KCNH5: variants seen among roughly 807,000 people sequenced by gnomAD.
KCNH5 encodes voltage-gated delayed rectifier potassium channel KCNH5.
In KCNH5, 46 loss-of-function variants were observed where a neutral mutation model predicts 96.1. The ratio of observed to expected loss-of-function variants is 0.48; its 90% CI spans 0.38 to 0.61. The LOEUF (loss-of-function observed/expected upper bound fraction) is 0.61, where lower values mean the gene tolerates loss of function less well. KCNH5 is among the 20% of genes least tolerant of loss of function. The pLI is 0.00. For missense variants in KCNH5, 907 were observed against 1,225.8 expected (o/e 0.74, Z 3.88); for synonymous variants, 439 against 449.8 (o/e 0.98, Z 0.30).
intron 10 of KCNH5, among the ~76,000 whole-genome samples, chr14:62,775,087 A>G (rs923396981): frequency 2.0e-5 from 3 of 152,234 alleles, no homozygotes; most frequent in Non-Finnish European, 4.4e-5. Flanking sequence ...CATAAATGGC[A>G]TTTCAAGATA....
chr14:63,001,128 A>T (rs1176254702), intron 4 of KCNH5, among the ~76,000 whole-genome samples: 1 of 152,210 alleles, frequency 6.6e-6, no homozygotes, highest in Non-Finnish European at 1.5e-5. Flanking sequence ...CTATAAGTTA[A>T]CCAATCTATA....
At chr14:62,760,495 C>T (rs926291187) in intron 10 of KCNH5, among the ~76,000 whole-genome samples, 5 of 152,168 alleles carry the variant, frequency 3.3e-5, no homozygotes, top group Non-Finnish European at 4.4e-5. Context: ...TTGCAGCTTC[C>T]GTTCCAGATT....
chr14:62,937,584 G>T (rs979157094), intron 7 of KCNH5, among the ~76,000 whole-genome samples: 8 of 152,202 alleles, frequency 5.3e-5, no homozygotes, highest in Admixed American at 1.3e-4. Context: ...GCCATCTGCT[G>T]CAATGAAGAT....
rs375648408 is a variant in KCNH5 at position 63,034,160 on chromosome 14, C to T, written c.73+10954G>A. On this transcript the variant is annotated intron_variant, in intron 1 of 10. Coordinates refer to ENST00000322893, the MANE Select transcript of KCNH5 (RefSeq NM_139318.5). ...GTCTCGATCTCCTGACCTCGTGATC[C>T]GCCTGCCTCGGCCTTCCAAAGTGCT... Among the ~76,000 whole-genome samples, 36 of 152,216 alleles carry T rather than the reference C, an allele frequency of 2.4e-4. No homozygotes were observed. In the East Asian group the frequency reaches 4.1e-3, roughly 17 times the overall value.
At chr14:62,951,618 T>G (rs1299422282) in intron 6 of KCNH5, among the ~76,000 whole-genome samples, 4 of 152,214 alleles carry the variant, frequency 2.6e-5, no homozygotes, top group African/African-American at 4.8e-5. Flanking sequence ...AGAATAGATG[T>G]ATATTAATAA....
intron 10 of KCNH5, among the ~76,000 whole-genome samples, chr14:62,733,370 C>T (rs901326218): frequency 1.3e-5 from 2 of 151,946 alleles, no homozygotes; most frequent in Admixed American, 6.6e-5. Context: ...CTGCCCTCTA[C>T]CATATAAGGA....
At chr14:63,013,610 C>T (rs1490634876) in intron 2 of KCNH5, among the ~76,000 whole-genome samples, 1 of 151,740 alleles carries the variant, frequency 6.6e-6, no homozygotes, top group Non-Finnish European at 1.5e-5. Flanking sequence ...TTGTGTCTCA[C>T]ACTTAAAGGC....
At chr14:62,873,128 C>T (rs922319767) in intron 7 of KCNH5, among the ~76,000 whole-genome samples, 20 of 140,704 alleles carry the variant, frequency 1.4e-4, no homozygotes, top group South Asian at 1.4e-3. Context: ...CCAGCCTGGG[C>T]GACAGAACGA....
chr14:63,018,611 G>T (rs1891370691), intron 1 of KCNH5, among the ~76,000 whole-genome samples: 2 of 151,984 alleles, frequency 1.3e-5, no homozygotes, highest in South Asian at 4.1e-4. Context: ...ACAAGTCATA[G>T]GATGAACGGA....
chr14:62,937,317 T>C (rs902097682), intron 7 of KCNH5, among the ~76,000 whole-genome samples: 19 of 152,296 alleles, frequency 1.2e-4, no homozygotes, highest in African/African-American at 4.6e-4. Context: ...TCTTTCATTT[T>C]TGACCCTGTA....
chr14:62,866,370 C>A (rs1595661819), intron 7 of KCNH5, among the ~76,000 whole-genome samples: 1 of 152,214 alleles, frequency 6.6e-6, no homozygotes, highest in East Asian at 1.9e-4. Context: ...AGACACATTA[C>A]TGAATTTCTT....
intron 10 of KCNH5, among the ~76,000 whole-genome samples, chr14:62,754,750 C>CAAAGAGAGGGCAG (rs1885582779): frequency 6.6e-6 from 1 of 151,778 alleles, no homozygotes; most frequent in African/African-American, 2.4e-5. Context: ...GGGTGTGTGG[C>CAAAGAGAGGGCAG]TTTAGTACCA....
chr14:62,766,357 T>A (rs1885860824), intron 10 of KCNH5, among the ~76,000 whole-genome samples: 1 of 152,164 alleles, frequency 6.6e-6, no homozygotes, highest in African/African-American at 2.4e-5. Flanking sequence ...AATCAGTATA[T>A]CAAAGAGATG....
At chr14:62,791,343 T>C (rs1417029753) in intron 9 of KCNH5, among the ~76,000 whole-genome samples, 2 of 151,392 alleles carry the variant, frequency 1.3e-5, no homozygotes, top group African/African-American at 4.8e-5. Flanking sequence ...TAACTTACAG[T>C]AAGTAAGTCA....
At chr14:62,708,532 G>A in intron 10 of KCNH5, 77 bp from the exon 11 acceptor site, 1 of 863,084 alleles carries the variant, frequency 1.2e-6, no homozygotes, top group Middle Eastern at 3.6e-4. Flanking sequence ...TATGCTGTAT[G>A]TGCTTTGTGT....
At chr14:62,777,700 G>A (rs192376130) in intron 10 of KCNH5, among the ~76,000 whole-genome samples, 1 of 152,300 alleles carries the variant, frequency 6.6e-6, no homozygotes, top group African/African-American at 2.4e-5. Context: ...GTGTTACTCA[G>A]CAAATTGGCA....
chr14:62,968,675 G>A (rs369384084), intron 6 of KCNH5, among the ~76,000 whole-genome samples: 3 of 152,262 alleles, frequency 2.0e-5, no homozygotes, highest in Non-Finnish European at 4.4e-5. Context: ...TTAACAAAAA[G>A]CATGTATAGT....
chr14:62,837,131 C>T (rs530765309), intron 8 of KCNH5, among the ~76,000 whole-genome samples: 77 of 152,162 alleles, frequency 5.1e-4, no homozygotes, highest in Middle Eastern at 3.2e-3. Flanking sequence ...TACCCTCTGA[C>T]TCTTGGTCTG....
At chr14:62,761,580 G>C (rs1408510370) in intron 10 of KCNH5, among the ~76,000 whole-genome samples, 1 of 152,140 alleles carries the variant, frequency 6.6e-6, no homozygotes, top group South Asian at 2.1e-4. Context: ...TGCCTTGGGG[G>C]TTGGGGAGGG....
Sources: allele counts gnomAD v4.1 joint callset (sites outside exome capture counted in the v4.1 genomes callset), GRCh38; gene constraint gnomAD v4.1.1; transcripts MANE v1.5; gene names NCBI Gene and HGNC (gene_info 2026-07-23, HGNC 2026-07-21).